The following AMN1 variants were observed in gnomAD, a reference collection of about 807,000 sequenced individuals.
AMN1 encodes protein AMN1 homolog.
In AMN1, 20 loss-of-function variants were observed where a neutral mutation model predicts 33.0. The observed-to-expected ratio is 0.61, with a 90% CI of 0.43 to 0.88. The LOEUF (loss-of-function observed/expected upper bound fraction) is 0.88, where lower values mean the gene tolerates loss of function less well. Ranked by LOEUF, AMN1 falls within the 40% of genes least tolerant of loss-of-function variation. The probability of loss-of-function intolerance (pLI) is 0.00; values close to 1 mark genes in which losing one functional copy is unlikely to be tolerated. For synonymous variants in AMN1, 114 were observed against 111.9 expected (o/e 1.02, Z -0.12); for missense variants, 246 against 307.4 (o/e 0.80, Z 1.49).
chr12:31,704,235 G>C (rs1280829056), intron 2 of AMN1, among the ~76,000 whole-genome samples: 2 of 152,002 alleles, frequency 1.3e-5, no homozygotes, highest in Non-Finnish European at 2.9e-5. Context: ...TGCTAACATT[G>C]GGTTTTGGGA....
intron 6 of AMN1, among the ~76,000 whole-genome samples, chr12:31,677,227 G>T (rs892611102): frequency 6.6e-6 from 1 of 152,172 alleles, no homozygotes; most frequent in Non-Finnish European, 1.5e-5. Context: ...GTGAACCTGG[G>T]AGGCGGAGCT....
chr12:31,702,683 C>A (rs952006193), intron 2 of AMN1, among the ~76,000 whole-genome samples: 1 of 151,886 alleles, frequency 6.6e-6, no homozygotes, highest in Non-Finnish European at 1.5e-5. Flanking sequence ...ATAATGATTT[C>A]TATTTATTAG....
At chr12:31,729,033 C>T, upstream of AMN1, 1 of 1,537,932 alleles carries the variant, frequency 6.5e-7, no homozygotes, top group Non-Finnish European at 8.8e-7. Context: ...AAGCCTCTTC[C>T]GCGGTCCCAG....
In AMN1 at chr12:31,685,025, A is replaced by ATTGTTTT. The variant is rs1183167787; in HGVS notation, c.703+3981_703+3982insAAAACAA. Among the ~76,000 whole-genome samples the ATTGTTTT allele has an allele frequency of 1.4e-5, 2 of 146,516 alleles. 1 individual carries two copies. The stretch of plus-strand genomic sequence containing the variant: ...ATTTTTATAAATTTTGTTTTCCATA[A>ATTGTTTT]TTATTATTTTTTTTTTTTTGAGATA... On this transcript the variant is annotated intron_variant, in intron 6 of 6. Transcript: ENST00000281471.
chr12:31,708,442 T>G lies in AMN1; in HGVS notation c.171+851A>C, dbSNP rs944913161. ...TAAATTTGAGGTCAGACTGGTTCTC[T>G]GCTCTCGAACCGTTTTCTGTTAAGA... On this transcript the variant is annotated intron_variant, in intron 2 of 6. Transcript: ENST00000281471. The G allele has an allele frequency of 2.0e-5, 3 of 152,316 alleles. 1 individual carries two copies. Among genetic ancestry groups the G allele is most frequent in the Admixed American group, 2.0e-4 (3 of 15,282 alleles). 9.4% of individuals were successfully genotyped at this position (152,316 alleles called of 1,614,324 possible). A position where few individuals can be genotyped will look rare whatever the true frequency, so the allele number is the denominator to read the frequency against.
At chr12:31,697,657 T>C in intron 4 of AMN1, 83 bp downstream of exon 4, 4 of 1,413,774 alleles carry the variant, frequency 2.8e-6, no homozygotes, top group Non-Finnish European at 3.9e-6. Context: ...CAAAATGAAC[T>C]CCTTATGATA....
At chr12:31,694,374 G>A (rs886146772) in intron 5 of AMN1, among the ~76,000 whole-genome samples, 9 of 150,800 alleles carry the variant, frequency 6.0e-5, no homozygotes, top group African/African-American at 9.8e-5. Context: ...CCTGGGAGAC[G>A]GAGGTTGCAG....
chr12:31,692,317 C>T (rs1355632590), intron 5 of AMN1, among the ~76,000 whole-genome samples: 3 of 151,374 alleles, frequency 2.0e-5, no homozygotes, highest in Non-Finnish European at 4.4e-5. Context: ...ATTAGCTGGG[C>T]GTGGTGGTGT....
intron 6 of AMN1, 94 bp downstream of exon 6, chr12:31,688,913 A>G (rs1938383662): frequency 4.3e-6 from 3 of 699,894 alleles, no homozygotes; most frequent in Non-Finnish European, 7.1e-6. Context: ...ACAGATGAGG[A>G]AACTGAATAA....
intron 5 of AMN1, among the ~76,000 whole-genome samples, chr12:31,695,131 T>C (rs530482042): frequency 2.0e-5 from 3 of 152,284 alleles, no homozygotes; most frequent in East Asian, 3.9e-4. Flanking sequence ...ACACTGGTTA[T>C]TGCATTTTTT....
chr12:31,728,952 CG>C lies in AMN1; in HGVS notation c.38+18del. 6.5e-7 allele frequency: 1 copy of C among 1,539,706 alleles called. No homozygotes were observed. The highest frequency in any genetic ancestry group is 1.2e-5 in the South Asian group (1 of 83,524). ...GGTGCTGGGGCGGCGCGAAGGGAGGCGGGACAGGGTAGACTCACAGATCCAG... is the reference window on the plus strand; with the variant it reads ...GGTGCTGGGGCGGCGCGAAGGGAGGCGGACAGGGTAGACTCACAGATCCAG... On this transcript the variant is annotated intron_variant, in intron 1 of 6. Transcript: ENST00000281471.
intron 1 of AMN1, among the ~76,000 whole-genome samples, chr12:31,723,421 C>T (rs922416090): frequency 5.9e-5 from 9 of 152,016 alleles, no homozygotes; most frequent in Admixed American, 3.9e-4. Context: ...CACCATTCTC[C>T]TGCCTCAGCC....
intron 1 of AMN1, among the ~76,000 whole-genome samples, chr12:31,722,742 T>G (rs1256093596): frequency 2.6e-5 from 4 of 152,154 alleles, no homozygotes; most frequent in African/African-American, 9.7e-5. Flanking sequence ...AAAGGGAACT[T>G]AGGAAATTCA....
intron 6 of AMN1, among the ~76,000 whole-genome samples, chr12:31,686,531 A>G (rs1250315460): frequency 2.0e-5 from 3 of 146,844 alleles, no homozygotes; most frequent in South Asian, 4.1e-4. Context: ...TGACAAACTC[A>G]TAAGTCGAAA....
intron 6 of AMN1, among the ~76,000 whole-genome samples, chr12:31,680,070 C>T (rs147080532): frequency 0.023 from 3,374 of 147,298 alleles, 63 homozygotes; most frequent in Non-Finnish European, 0.038. Flanking sequence ...TTGCAGTGAA[C>T]CAAGATCGCA....
At chr12:31,688,521 T>C (rs1017411842) in intron 6 of AMN1, among the ~76,000 whole-genome samples, 1 of 152,146 alleles carries the variant, frequency 6.6e-6, no homozygotes, top group African/African-American at 2.4e-5. Flanking sequence ...TAAGGAATTG[T>C]CAGAGGCCGG....
chr12:31,724,543 A>AT (rs771436232), intron 1 of AMN1, among the ~76,000 whole-genome samples: 13 of 152,090 alleles, frequency 8.5e-5, no homozygotes, highest in South Asian at 2.1e-4. Context: ...ATATATATAT[A>AT]TTTTTTTACC....
At position 31,728,982 on chromosome 12, in the gene AMN1, C is replaced by G. The variant is rs1489182457; in HGVS notation, c.27G>C (p.Gln9His). Residue 9 changes from glutamine (Q) to histidine (H), a missense_variant, in exon 1 of 7, where the codon CAG (glutamine) becomes CAC (histidine). By Grantham distance (24) the Gln-to-His change is conservative. Coordinates refer to ENST00000281471, the MANE Select transcript of AMN1 (RefSeq NM_001113402.2). MPRPRRVSQLLDLCLWCFM... is the reference protein window; with the variant it reads MPRPRRVSHLLDLCLWCFM... ...CAGGGTAGACTCACAGATCCAGGAG[C>G]TGACTGACCCGCCGTGGGCGAGGCA... is the stretch of plus-strand genomic sequence containing the variant. 6.5e-7 allele frequency: 1 copy of G among 1,546,426 alleles called. No homozygotes were observed. Among genetic ancestry groups the G allele is most frequent in the Non-Finnish European group, 8.7e-7 (1 of 1,143,734 alleles).
In AMN1 at chr12:31,689,110, A is replaced by C. The variant is rs1429531815; in HGVS notation, c.600T>G (p.His200Gln). The change falls in exon 6 of 7, where the codon CAT becomes CAG. Residue 200 changes from histidine (H) to glutamine (Q), a missense_variant. Coordinates refer to ENST00000281471, the MANE Select transcript of AMN1 (RefSeq NM_001113402.2). ...GPCAKKLEEI[H>Q]MGHCVNLTDG... ...CAGTCAGATTTACACAATGTCCCAT[A>C]TGAATCTCCTATGCAAAAATAAAGA... 13 of 1,607,920 alleles carry C rather than the reference A, an allele frequency of 8.1e-6. No homozygotes were observed. The East Asian group carries it at 2.9e-4, about 36-fold the overall frequency.
Sources: allele counts gnomAD v4.1 joint callset (sites outside exome capture counted in the v4.1 genomes callset), GRCh38; gene constraint gnomAD v4.1.1; transcripts MANE v1.5; gene names NCBI Gene and HGNC (gene_info 2026-07-23, HGNC 2026-07-21).